Variants in TTC39C observed in about 807,000 individuals in gnomAD.
TTC39C encodes the protein tetratricopeptide repeat protein 39C.
In TTC39C, 33 loss-of-function variants were observed where a neutral mutation model predicts 76.3. The observed-to-expected ratio is 0.43, with a 90% confidence interval of 0.33 to 0.58. TTC39C has a LOEUF of 0.58. Among genes scored for constraint, TTC39C ranks in the 20% least tolerant of loss-of-function variants. The pLI, the probability that TTC39C is intolerant of heterozygous loss-of-function variation, is 0.04. For missense variants in TTC39C, 595 were observed against 701.4 expected (o/e 0.85, Z 1.71); for synonymous variants, 254 against 260.6 (o/e 0.97, Z 0.24).
intron 1 of TTC39C, among the ~76,000 whole-genome samples, chr18:24,028,965 C>T (rs1270750097): frequency 2.0e-5 from 3 of 151,926 alleles, no homozygotes; most frequent in Non-Finnish European, 4.4e-5. Context: ...TCAGGTGATC[C>T]ACCCATCTCA....
chr18:24,051,868 G>T (rs1337347519), intron 1 of TTC39C, among the ~76,000 whole-genome samples: 1 of 152,122 alleles, frequency 6.6e-6, no homozygotes, highest in Non-Finnish European at 1.5e-5. Context: ...GGACGTGGTT[G>T]GTTGGTTCAC....
At chr18:24,130,266 C>A in intron 11 of TTC39C, 47 bp from the exon 12 acceptor site, 1 of 1,063,764 alleles carries the variant, frequency 9.4e-7, no homozygotes, top group South Asian at 1.4e-5. Flanking sequence ...AAGCCTTATG[C>A]TAAGTAGGAA....
chr18:24,114,930 A>G, intron 7 of TTC39C: 1 of 251,842 alleles, frequency 4.0e-6, no homozygotes, highest in Non-Finnish European at 7.7e-6. Context: ...ATTAGAATTC[A>G]AAGCTCTTTG....
intron 7 of TTC39C, 48 bp downstream of exon 7, chr18:24,114,695 T>C (rs758989566): frequency 6.9e-7 from 1 of 1,451,020 alleles, no homozygotes; most frequent in Non-Finnish European, 9.6e-7. Context: ...GTAGTATTAA[T>C]GCAGTATTTT....
chr18:24,026,025 T>TCA (rs1450081557), intron 1 of TTC39C, among the ~76,000 whole-genome samples: 1 of 152,132 alleles, frequency 6.6e-6, no homozygotes, highest in Non-Finnish European at 1.5e-5. Context: ...TAAACACCAG[T>TCA]CACACACACA....
chr18:24,053,285 CAA>C (rs2083975809), intron 1 of TTC39C, among the ~76,000 whole-genome samples: 1 of 147,270 alleles, frequency 6.8e-6, no homozygotes, highest in South Asian at 2.2e-4. Flanking sequence ...TTATCACTTC[CAA>C]GACACCTTTC....
intron 1 of TTC39C, among the ~76,000 whole-genome samples, chr18:24,016,215 C>G (rs945494427): frequency 6.6e-6 from 1 of 152,190 alleles, no homozygotes; most frequent in African/African-American, 2.4e-5. Context: ...TTTTTCCCCC[C>G]TTTGGTCTGA....
intron 1 of TTC39C, among the ~76,000 whole-genome samples, chr18:24,002,725 A>G (rs912881073): frequency 1.3e-5 from 2 of 152,162 alleles, no homozygotes; most frequent in African/African-American, 4.8e-5. Flanking sequence ...CAAACTGTAG[A>G]AAAAAGCAGA....
chr18:24,111,727 C>T (rs1306704108), intron 6 of TTC39C, among the ~76,000 whole-genome samples: 1 of 151,408 alleles, frequency 6.6e-6, no homozygotes, highest in Non-Finnish European at 1.5e-5. Context: ...AGACCCCTGT[C>T]TACAAAATAT....
At chr18:24,045,212 T>TGA (rs1284161779) in intron 1 of TTC39C, among the ~76,000 whole-genome samples, 1 of 132,982 alleles carries the variant, frequency 7.5e-6, no homozygotes, top group Non-Finnish European at 1.5e-5. Context: ...GAGGTAGCAG[T>TGA]GAGTCAAGAT....
At chr18:24,019,768 G>C (rs2083496830) in intron 1 of TTC39C, 1 of 971,238 alleles carries the variant, frequency 1.0e-6, no homozygotes, top group African/African-American at 1.7e-5. Flanking sequence ...TGTGGTCTGT[G>C]GTTGCTTGTG....
intron 8 of TTC39C, among the ~76,000 whole-genome samples, chr18:24,122,511 AAAAAAAAAAGAAGAGGGAAC>A (rs1000956713): frequency 1.3e-5 from 2 of 150,530 alleles, no homozygotes; most frequent in African/African-American, 2.4e-5. Flanking sequence ...AAAAAAAAAA[AAAAAAAAAAGAAGAGGGAAC>A]TAGCAAGTCA....
chr18:24,119,817 C>T (rs1459848633), intron 8 of TTC39C, among the ~76,000 whole-genome samples: 2 of 152,030 alleles, frequency 1.3e-5, no homozygotes, highest in African/African-American at 4.8e-5. Flanking sequence ...ATTGAATAGC[C>T]CAGAAAAGAG....
At chr18:24,047,544 T>C (rs2083900506) in intron 1 of TTC39C, among the ~76,000 whole-genome samples, 1 of 152,202 alleles carries the variant, frequency 6.6e-6, no homozygotes, top group South Asian at 2.1e-4. Flanking sequence ...GTATAGTGTT[T>C]CTTTCTTTCC....
chr18:24,060,313 GTTTTTTTTTTTT>G (rs1294806136), intron 1 of TTC39C, among the ~76,000 whole-genome samples: 8 of 89,242 alleles, frequency 9.0e-5, no homozygotes, highest in Admixed American at 1.5e-4. Flanking sequence ...TTGCGTTTCT[GTTTTTTTTTTTT>G]TTTTTTTTTT....
intron 1 of TTC39C, among the ~76,000 whole-genome samples, chr18:23,996,617 G>A (rs925460113): frequency 6.6e-6 from 1 of 152,208 alleles, no homozygotes; most frequent in South Asian, 2.1e-4. Context: ...GTGTGCACCT[G>A]TGCACATGTG....
intron 6 of TTC39C, among the ~76,000 whole-genome samples, chr18:24,085,896 G>A (rs1000417969): frequency 2.0e-5 from 3 of 152,216 alleles, no homozygotes; most frequent in Non-Finnish European, 4.4e-5. Flanking sequence ...AAATATGGTT[G>A]TTATTATCCC....
chr18:24,131,887 A>G lies in TTC39C; in HGVS notation c.1629A>G (p.Val543=). The change falls in exon 13 of 14, where the codon GTA becomes GTG. Residue 543 remains valine (V), a synonymous_variant. Coordinates refer to ENST00000317571, the MANE Select transcript of TTC39C (RefSeq NM_001135993.2). The part of the protein sequence containing the change: ...GCLLLDKPET[V]GRGRALLLQA... The stretch of plus-strand genomic sequence containing the variant: ...ATAATGTGTTTTTCTTATAGACTGT[A>G]GGAAGAGGCAGAGCTCTACTTCTTC... 1.2e-6 allele frequency: 2 copies of G among 1,612,172 alleles called. No homozygotes were observed. The highest frequency in any genetic ancestry group is 4.5e-5 in the East Asian group (2 of 44,830).
At chr18:24,125,333 A>T (rs1322697820) in intron 9 of TTC39C, 94 bp from the exon 10 acceptor site, 5 of 1,480,382 alleles carry the variant, frequency 3.4e-6, no homozygotes, top group Middle Eastern at 1.8e-4. Flanking sequence ...ATTCACATTG[A>T]TGATGAACTG....
Sources: gnomAD v4.1 joint callset for allele counts (sites outside exome capture counted in the v4.1 genomes callset) on GRCh38, gnomAD v4.1.1 for gene constraint, MANE v1.5 for transcripts, NCBI Gene and HGNC (gene_info 2026-07-23, HGNC 2026-07-21) for gene names.